CUL2: variants seen among roughly 807,000 people sequenced by gnomAD.
The protein encoded by CUL2 is cullin-2.
CUL2 carries 22 observed loss-of-function variants against 110.2 expected under a neutral mutation model. The ratio of observed to expected loss-of-function variants is 0.20; its 90% CI spans 0.14 to 0.28. The LOEUF (loss-of-function observed/expected upper bound fraction) is 0.28. Among genes scored for constraint, CUL2 ranks in the 10% least tolerant of loss-of-function variants. The probability of loss-of-function intolerance (pLI) is 1.00; values close to 1 mark genes in which losing one functional copy is unlikely to be tolerated. For missense variants in CUL2, 631 were observed against 905.5 expected, an observed-to-expected ratio of 0.70 and a Z score of 3.89; for synonymous variants, 279 against 293.2, an observed-to-expected ratio of 0.95 and a Z score of 0.49.
At chr10:35,035,651 C>A (rs1234770025) in intron 9 of CUL2, among the ~76,000 whole-genome samples, 1 of 152,188 alleles carries the variant, frequency 6.6e-6, no homozygotes. Flanking sequence ...TATTTTACAG[C>A]TGCACAGTAC....
intron 2 of CUL2, among the ~76,000 whole-genome samples, chr10:35,069,370 C>T (rs1462658158): frequency 2.6e-5 from 4 of 151,780 alleles, no homozygotes; most frequent in Non-Finnish European, 5.9e-5. Context: ...GAGAACTCAC[C>T]TCTACAAAAA....
chr10:35,011,195 A>C (rs868207908), intron 20 of CUL2, among the ~76,000 whole-genome samples: 2 of 144,448 alleles, frequency 1.4e-5, no homozygotes, highest in African/African-American at 5.0e-5. Context: ...CAACTGGCTA[A>C]TTTTTTAATT....
intron 1 of CUL2, among the ~76,000 whole-genome samples, chr10:35,111,581 A>C (rs1195166369): frequency 6.6e-6 from 1 of 152,202 alleles, no homozygotes; most frequent in Non-Finnish European, 1.5e-5. Flanking sequence ...TGAACATATT[A>C]TGTCTAAAAC....
intron 9 of CUL2, among the ~76,000 whole-genome samples, chr10:35,037,572 G>C (rs906613566): frequency 6.6e-6 from 1 of 152,154 alleles, no homozygotes; most frequent in Non-Finnish European, 1.5e-5. Context: ...GGGGCCAAGG[G>C]TGGTGGCTCG....
chr10:35,031,502 C>T lies in CUL2; in HGVS notation c.1288G>A (p.Val430Ile), dbSNP rs772554788. The change falls in exon 13 of 21, where the codon GTC becomes ATC. Residue 430 changes from valine to isoleucine, a missense_variant. By Grantham distance (29) the Val-to-Ile change is conservative (BLOSUM62 3). This residue lies in a region of CUL2 where 134 missense variants were observed against 260.4 expected (regional missense o/e 0.51). Coordinates refer to ENST00000374749, the MANE Select transcript of CUL2 (RefSeq NM_003591.4). The surrounding 1 kb of genome is among the most constrained non-coding windows in gnomAD (Gnocchi z 4.4). The stretch of plus-strand genomic sequence containing the variant: ...TGTTCACAACATACCTTTTGAAAGA[C>T]GTCCTTGTCATCAATGTATTTGAAC... Reference protein sequence around the residue: ...TVFKYIDDKDVFQKFYARMLA... With the variant: ...TVFKYIDDKDIFQKFYARMLA... 2.1e-5 allele frequency: 34 copies of T among 1,613,914 alleles called. No homozygotes were observed. The South Asian group carries it at 2.4e-4, about 11-fold the overall frequency.
intron 16 of CUL2, among the ~76,000 whole-genome samples, chr10:35,027,743 GA>G (rs2085372121): frequency 6.6e-6 from 1 of 151,474 alleles, no homozygotes; most frequent in South Asian, 2.1e-4. Flanking sequence ...GGACTTACTA[GA>G]AAAAAAATAA....
chr10:35,071,461 A>G lies in CUL2; in HGVS notation c.-22-122T>C, dbSNP rs1283413781. The G allele has an allele frequency of 8.1e-5, 63 of 778,642 alleles. 1 individual carries two copies. The South Asian group carries it at 9.4e-4, about 12-fold the overall frequency. The allele number at this position is 778,642 out of a possible 1,614,324, so 48.2% of individuals were successfully genotyped here. On this transcript the variant is annotated intron_variant, in intron 1 of 20. Coordinates refer to ENST00000374749, the MANE Select transcript of CUL2 (RefSeq NM_003591.4). ...GCTCTGTCGCCCAGGCTGGAGTGCA[A>G]TGGCGTGATCTTGGCTCACTGCAAG...
chr10:35,017,448 C>T (rs938460679), intron 17 of CUL2, among the ~76,000 whole-genome samples: 4 of 152,070 alleles, frequency 2.6e-5, no homozygotes, highest in African/African-American at 9.7e-5. Context: ...AATCCCAGCA[C>T]TTTGAAAGGC....
intron 2 of CUL2, among the ~76,000 whole-genome samples, chr10:35,065,841 G>C (rs945538018): frequency 6.6e-6 from 1 of 152,060 alleles, no homozygotes; most frequent in Non-Finnish European, 1.5e-5. Flanking sequence ...CCTGGCAACA[G>C]AGCGAGACAC....
At chr10:35,045,709 C>T (rs1347996525) in intron 6 of CUL2, among the ~76,000 whole-genome samples, 1 of 151,670 alleles carries the variant, frequency 6.6e-6, no homozygotes, top group East Asian at 1.9e-4. Context: ...AGAGCAAGAC[C>T]CTGTCTCAAA....
rs139605464 is a variant in CUL2, at chr10:35,059,344, C to T, written c.317+1530G>A. On this transcript the variant is annotated intron_variant, in intron 4 of 20. Transcript: ENST00000374749. ...GTTGTCTTATTTTAAGACATTGCCA[C>T]AGCCTCCCCAACCTTCAGCAACCAC... Among the ~76,000 whole-genome samples the T allele has an allele frequency of 4.1e-3, 619 of 152,296 alleles. 1 individual carries two copies. Among genetic ancestry groups the T allele is most frequent in the Admixed American group, 7.5e-3 (115 of 15,284 alleles).
At chr10:35,049,567 C>T (rs2086041138) in intron 6 of CUL2, 116 bp downstream of exon 6, 1 of 664,790 alleles carries the variant, frequency 1.5e-6, no homozygotes, top group East Asian at 2.9e-5. Flanking sequence ...AAATGAGGCT[C>T]ATTACAGTAA....
At chr10:35,103,556 C>T (rs1380743276) in intron 1 of CUL2, among the ~76,000 whole-genome samples, 2 of 151,948 alleles carry the variant, frequency 1.3e-5, no homozygotes, top group African/African-American at 4.8e-5. Context: ...ATCTCCTGAC[C>T]TCGTGATCCG....
intron 1 of CUL2, among the ~76,000 whole-genome samples, chr10:35,107,412 T>A (rs1256276003): frequency 6.6e-6 from 1 of 152,152 alleles, no homozygotes; most frequent in Non-Finnish European, 1.5e-5. Flanking sequence ...TAATTGTCAA[T>A]AAACAAATAT....
At chr10:35,051,240 G>A (rs2086098503) in intron 5 of CUL2, among the ~76,000 whole-genome samples, 1 of 151,648 alleles carries the variant, frequency 6.6e-6, no homozygotes, top group South Asian at 2.1e-4. Context: ...GTGTGAACCC[G>A]GGAGGCGGAG....
At chr10:35,059,139 A>G (rs1416472668) in intron 4 of CUL2, among the ~76,000 whole-genome samples, 1 of 152,224 alleles carries the variant, frequency 6.6e-6, no homozygotes, top group Non-Finnish European at 1.5e-5. Flanking sequence ...CATTGTTGAA[A>G]TGACAACAAA....
intron 10 of CUL2, among the ~76,000 whole-genome samples, chr10:35,034,936 T>C (rs1395606589): frequency 6.6e-6 from 1 of 152,210 alleles, no homozygotes; most frequent in African/African-American, 2.4e-5. Context: ...AGTTAACAAC[T>C]GTTCAATGGA....
At chr10:35,065,391 T>C (rs1440196090) in intron 2 of CUL2, among the ~76,000 whole-genome samples, 1 of 151,966 alleles carries the variant, frequency 6.6e-6, no homozygotes, top group African/African-American at 2.4e-5. Flanking sequence ...GAGGCCAAGG[T>C]GGGCAGATCA....
At chr10:35,081,768 C>T (rs2086952518) in intron 1 of CUL2, among the ~76,000 whole-genome samples, 4 of 152,056 alleles carry the variant, frequency 2.6e-5, no homozygotes, top group Admixed American at 2.6e-4. Context: ...TGGCATGCAC[C>T]TGTAGTCCCA....
Sources: gnomAD v4.1 joint callset for allele counts (sites outside exome capture counted in the v4.1 genomes callset) on GRCh38, gnomAD v4.1.1 for gene constraint, gnomAD v4.1.1 regional missense constraint, Gnocchi (gnomAD v3.1) non-coding constraint, MANE v1.5 for transcripts, NCBI Gene and HGNC (gene_info 2026-07-23, HGNC 2026-07-21) for gene names.